ARB2A: variants seen among roughly 807,000 people sequenced by gnomAD.
ARB2A encodes cotranscriptional regulator ARB2A.
At chr5:93,902,085 TATAA>T in the ARB2A span, among the ~76,000 whole-genome samples, 33 of 152,072 alleles carry the variant, frequency 2.2e-4, no homozygotes, top group African/African-American at 8.0e-4. Flanking sequence ...AGATAAGATA[TATAA>T]GAGTCATGTA....
the ARB2A span, among the ~76,000 whole-genome samples, chr5:93,881,098 A>G: frequency 6.6e-6 from 1 of 151,690 alleles, no homozygotes; most frequent in Non-Finnish European, 1.5e-5. Flanking sequence ...TATGGACAAC[A>G]TAACGGCATG....
chr5:93,740,349 C>T, the ARB2A span: 1 of 525,878 alleles, frequency 1.9e-6, no homozygotes. Flanking sequence ...TAAACCAATG[C>T]TAGGGAAAAA....
At chr5:93,693,004 T>C in the ARB2A span, among the ~76,000 whole-genome samples, 1 of 152,082 alleles carries the variant, frequency 6.6e-6, no homozygotes, top group African/African-American at 2.4e-5. Flanking sequence ...TTGAAACCAA[T>C]GAGAACAAAG....
chr5:93,681,810 T>C, the ARB2A span, among the ~76,000 whole-genome samples: 1 of 152,112 alleles, frequency 6.6e-6, no homozygotes, highest in Non-Finnish European at 1.5e-5. Context: ...GATGACAAAG[T>C]AAAAATAAGA....
chr5:94,053,114 T>TAGATA, the ARB2A span: 2 of 1,456,780 alleles, frequency 1.4e-6, no homozygotes, highest in Non-Finnish European at 1.9e-6. Flanking sequence ...GATAGATAGA[T>TAGATA]AACCCACTTA....
At chr5:94,033,710 C>G in the ARB2A span, among the ~76,000 whole-genome samples, 1 of 152,168 alleles carries the variant, frequency 6.6e-6, no homozygotes, top group African/African-American at 2.4e-5. Flanking sequence ...CAGGCATGAG[C>G]CGCTGTGCCT....
chr5:94,034,180 T>C, the ARB2A span, among the ~76,000 whole-genome samples: 4 of 152,214 alleles, frequency 2.6e-5, no homozygotes, highest in Non-Finnish European at 4.4e-5. Context: ...AATTCTGTTA[T>C]AGCAAAACAA....
the ARB2A span, among the ~76,000 whole-genome samples, chr5:93,798,353 C>T: frequency 6.6e-6 from 1 of 152,100 alleles, no homozygotes; most frequent in Non-Finnish European, 1.5e-5. Flanking sequence ...AATAAACTCA[C>T]TGCTGAATTT....
chr5:94,104,578 T>C, the ARB2A span, among the ~76,000 whole-genome samples: 2 of 151,708 alleles, frequency 1.3e-5, no homozygotes, highest in Non-Finnish European at 2.9e-5. Flanking sequence ...ACCCAACATA[T>C]AAAGAAGAGC....
the ARB2A span, among the ~76,000 whole-genome samples, chr5:94,007,752 G>C: frequency 2.0e-5 from 3 of 148,630 alleles, no homozygotes; most frequent in East Asian, 5.9e-4. Context: ...TCCAGCCTGA[G>C]TGACAAAGCA....
the ARB2A span, among the ~76,000 whole-genome samples, chr5:94,087,919 T>C: frequency 6.6e-6 from 1 of 152,188 alleles, no homozygotes; most frequent in Non-Finnish European, 1.5e-5. Context: ...TGTGTGTAAG[T>C]ACACTCTATG....
chr5:93,768,807 C>A, the ARB2A span, among the ~76,000 whole-genome samples: 1 of 152,002 alleles, frequency 6.6e-6, no homozygotes, highest in Non-Finnish European at 1.5e-5. Flanking sequence ...TGGTCTCAAA[C>A]TCCTGGCCTC....
chr5:94,025,055 C>G, the ARB2A span, among the ~76,000 whole-genome samples: 50 of 152,156 alleles, frequency 3.3e-4, no homozygotes, highest in African/African-American at 1.2e-3. Context: ...ACCAACCTGA[C>G]CAAAGATGCA....
At chr5:93,973,651 AG>A in the ARB2A span, among the ~76,000 whole-genome samples, 14,153 of 152,254 alleles carry the variant, frequency 0.093, 802 homozygotes, top group Middle Eastern at 0.16. Context: ...AATTCTTAAA[AG>A]GCAGCCATGG....
chr5:93,753,908 C>T, the ARB2A span, among the ~76,000 whole-genome samples: 2 of 152,114 alleles, frequency 1.3e-5, no homozygotes, highest in African/African-American at 2.4e-5. Flanking sequence ...TAAGGTAGAG[C>T]CTTCCATCCT....
chr5:93,740,490 G>A, the ARB2A span: 14 of 1,352,414 alleles, frequency 1.0e-5, no homozygotes, highest in African/African-American at 1.6e-4. Context: ...AATACTAAAA[G>A]CCCTCAAATG....
At chr5:93,852,708 G>C in the ARB2A span, among the ~76,000 whole-genome samples, 3 of 152,122 alleles carry the variant, frequency 2.0e-5, no homozygotes, top group African/African-American at 4.8e-5. Context: ...TTATTAAATA[G>C]GGAATCCTTT....
At chr5:93,677,456 T>C in the ARB2A span, among the ~76,000 whole-genome samples, 7 of 152,324 alleles carry the variant, frequency 4.6e-5, no homozygotes, top group African/African-American at 7.2e-5. Flanking sequence ...AATCTGATCA[T>C]AGCCGCTCAG....
chr5:93,709,014 G>A, the ARB2A span, among the ~76,000 whole-genome samples: 1 of 151,986 alleles, frequency 6.6e-6, no homozygotes. Context: ...TAGATGGTAA[G>A]TGTTCTTACC....
Sources: allele counts gnomAD v4.1 joint callset (sites outside exome capture counted in the v4.1 genomes callset), GRCh38; gene constraint gnomAD v4.1.1; transcripts MANE v1.5; gene names NCBI Gene and HGNC (gene_info 2026-07-23, HGNC 2026-07-21).